The following ORC5 variants were observed in gnomAD, a reference collection of about 807,000 sequenced individuals.
ORC5 encodes origin recognition complex subunit 5.
A neutral mutation model predicts 58.8 loss-of-function variants in ORC5; 39 were observed. That is an observed-to-expected ratio of 0.66 (90% CI 0.51 to 0.87). ORC5 has a LOEUF of 0.87. ORC5 is among the 40% of genes least tolerant of loss of function. ORC5 has a pLI of 0.00. For synonymous variants in ORC5, 218 were observed against 177.6 expected (o/e 1.23, Z -1.81); for missense variants, 493 against 506.3 (o/e 0.97, Z 0.25).
chr7:104,169,421 G>T (rs891671350), intron 8 of ORC5, among the ~76,000 whole-genome samples: 2 of 152,068 alleles, frequency 1.3e-5, no homozygotes, highest in Non-Finnish European at 2.9e-5. Flanking sequence ...ACGACAAATT[G>T]AATTTATAAG....
intron 8 of ORC5, among the ~76,000 whole-genome samples, chr7:104,170,669 T>C (rs960286456): frequency 1.3e-5 from 2 of 152,224 alleles, no homozygotes; most frequent in Non-Finnish European, 2.9e-5. Flanking sequence ...TTTCTGATAA[T>C]TTGTTACAGT....
At position 104,207,979 on chromosome 7, in the gene ORC5, T is replaced by A. The variant is rs1472418729; in HGVS notation, c.-75A>T. The A allele has an allele frequency of 3.6e-6, 5 of 1,404,654 alleles. No homozygotes were observed. The highest frequency in any genetic ancestry group is 1.8e-5 in the Admixed American group (1 of 56,504). The allele number at this position is 1,404,654 out of a possible 1,614,324, so 87.0% of individuals were successfully genotyped here. ...TGCACAAGACGGAGCCTCTCCCGAG[T>A]CTGGCGGCCCACGCTCCCGCCGGAA... On this transcript the variant is annotated 5_prime_UTR_variant, in exon 1 of 14. Coordinates refer to ENST00000297431, the MANE Select transcript of ORC5 (RefSeq NM_002553.4).
intron 8 of ORC5, among the ~76,000 whole-genome samples, chr7:104,176,885 G>T (rs1289476926): frequency 3.3e-5 from 5 of 152,150 alleles, no homozygotes; most frequent in Non-Finnish European, 7.3e-5. Context: ...TTTTAATAAG[G>T]TATAAGGGTT....
At position 104,188,195 on chromosome 7, in the gene ORC5, T is replaced by TACACACACACAC. The variant is rs34643155; in HGVS notation, c.684+44_684+55dup. Reference sequence around the variant, plus strand: ...AAATACATATATACACATATATGTATACACACACACACACACACACACATA... The same window carrying TACACACACACAC: ...AAATACATATATACACATATATGTATACACACACACACACACACACACACACACACACACATA... On this transcript the variant is annotated intron_variant, in intron 6 of 13. Transcript: ENST00000297431. 922 of 1,017,234 alleles carry TACACACACACAC rather than the reference T, an allele frequency of 9.1e-4. 4 individuals are homozygous for TACACACACACAC. In the African/African-American group the frequency reaches 0.014, roughly 15 times the overall value. The allele number at this position is 1,017,234 out of a possible 1,614,324, so 63.0% of individuals were successfully genotyped here. A position where few individuals can be genotyped will look rare whatever the true frequency, so the allele number is the denominator to read the frequency against.
chr7:104,201,048 A>G (rs1799931076), intron 2 of ORC5, 90 bp from the exon 3 acceptor site: 1 of 1,129,454 alleles, frequency 8.9e-7, no homozygotes, highest in East Asian at 2.6e-5. Flanking sequence ...TTGCCTTTCT[A>G]AATCTATATC....
chr7:104,158,445 G>A (rs575363203), intron 12 of ORC5, among the ~76,000 whole-genome samples: 18 of 152,130 alleles, frequency 1.2e-4, no homozygotes, highest in African/African-American at 4.3e-4. Flanking sequence ...AACACCAAAA[G>A]CAATGGTAAC....
rs1234756421 is a variant in ORC5 at position 104,136,596 on chromosome 7, G to A, written c.1262+185C>T. 6.6e-6 allele frequency among the ~76,000 whole-genome samples: 1 copy of A among 152,050 alleles called. No individual in the cohort carries two copies. Among genetic ancestry groups the A allele is most frequent in the East Asian group, 1.9e-4 (1 of 5,190 alleles). On this transcript the variant is annotated intron_variant, in intron 13 of 13. Transcript: ENST00000297431. The surrounding 1 kb of genome is among the most constrained non-coding windows in gnomAD (Gnocchi z 4.2). ...TTGATTTTTGTCCTCTAACATATTA[G>A]CTATTTCTCCCAGTTTTACATCATT... is the stretch of plus-strand genomic sequence containing the variant.
intron 3 of ORC5, among the ~76,000 whole-genome samples, chr7:104,199,055 G>C (rs1001419386): frequency 1.3e-5 from 2 of 152,216 alleles, no homozygotes; most frequent in Non-Finnish European, 2.9e-5. Context: ...GATTTCAGAG[G>C]ATGTACAGAA....
rs1267552331 is a variant in ORC5 at position 104,133,942 on chromosome 7, T to C, written c.1262+2839A>G. On this transcript the variant is annotated intron_variant, in intron 13 of 13. Coordinates refer to ENST00000297431, the MANE Select transcript of ORC5 (RefSeq NM_002553.4). The surrounding 1 kb of genome is among the most constrained non-coding windows in gnomAD (Gnocchi z 4.7). ...AGTGGAGGAGATGGAATTCAGAGCATAGGTAGAAGAATCTACCTTAGGAAG... is the reference window on the plus strand; with the variant it reads ...AGTGGAGGAGATGGAATTCAGAGCACAGGTAGAAGAATCTACCTTAGGAAG... Among the ~76,000 whole-genome samples the C allele has an allele frequency of 6.6e-6, 1 of 152,070 alleles. No individual in the cohort carries two copies. Among genetic ancestry groups the C allele is most frequent in the Non-Finnish European group, 1.5e-5 (1 of 68,020 alleles).
At chr7:104,203,482 TAGC>T (rs1240257167) in intron 2 of ORC5, among the ~76,000 whole-genome samples, 1 of 152,228 alleles carries the variant, frequency 6.6e-6, no homozygotes, top group Non-Finnish European at 1.5e-5. Flanking sequence ...TCATCAATAA[TAGC>T]AGCTAACCTT....
At chr7:104,180,341 TTC>T (rs1362650741) in intron 8 of ORC5, among the ~76,000 whole-genome samples, 7 of 144,114 alleles carry the variant, frequency 4.9e-5, no homozygotes, top group Non-Finnish European at 7.9e-5. Context: ...CAAGATAACT[TTC>T]TGTGTTTTCT....
chr7:104,183,408 A>C (rs1428014261), intron 8 of ORC5, among the ~76,000 whole-genome samples: 1 of 152,162 alleles, frequency 6.6e-6, no homozygotes, highest in African/African-American at 2.4e-5. Flanking sequence ...CTACAGGATG[A>C]CTGATCAGCA....
intron 12 of ORC5, among the ~76,000 whole-genome samples, chr7:104,148,496 A>G (rs1190641001): frequency 3.9e-5 from 6 of 152,226 alleles, no homozygotes; most frequent in Non-Finnish European, 8.8e-5. Context: ...ATGAAATTGT[A>G]GCAATAAGGA....
chr7:104,204,669 A>G (rs1001306948), intron 1 of ORC5, among the ~76,000 whole-genome samples: 4 of 152,194 alleles, frequency 2.6e-5, no homozygotes, highest in Admixed American at 6.5e-5. Flanking sequence ...ACATATAATC[A>G]AAAGATTAAA....
chr7:104,160,088 T>A (rs1053596388), intron 12 of ORC5, among the ~76,000 whole-genome samples: 2 of 152,180 alleles, frequency 1.3e-5, no homozygotes, highest in Non-Finnish European at 2.9e-5. Flanking sequence ...GCCTAGTAAC[T>A]GAGTGAACTG....
chr7:104,126,909 G>C lies in ORC5; in HGVS notation c.1263-16C>G. The C allele has an allele frequency of 6.4e-7, 1 of 1,574,516 alleles. No homozygotes were observed. The highest frequency in any genetic ancestry group is 8.7e-7 in the Non-Finnish European group (1 of 1,145,698). ...GTTCACCGTCCTAAAAACAAAAACA[G>C]ATAATATGTTAGCATTCTCACCCCT... On this transcript the variant is annotated splice_polypyrimidine_tract_variant and intron_variant, in intron 13 of 13. Transcript: ENST00000297431.
At chr7:104,152,249 G>A (rs1283166858) in intron 12 of ORC5, among the ~76,000 whole-genome samples, 1 of 152,144 alleles carries the variant, frequency 6.6e-6, no homozygotes, top group African/African-American at 2.4e-5. Flanking sequence ...CCTGACTCAA[G>A]TGATCCTCCC....
At chr7:104,161,392 G>A (rs1423090736) in intron 11 of ORC5, among the ~76,000 whole-genome samples, 2 of 151,886 alleles carry the variant, frequency 1.3e-5, no homozygotes, top group East Asian at 1.9e-4. Context: ...TAGAGACAAG[G>A]TCCGCTGTCA....
chr7:104,174,048 T>G (rs1180915548), intron 8 of ORC5, among the ~76,000 whole-genome samples: 7 of 151,250 alleles, frequency 4.6e-5, no homozygotes, highest in Admixed American at 2.0e-4. Context: ...GTTTCACCGT[T>G]TTAGCCGGGA....
Sources: allele counts gnomAD v4.1 joint callset (sites outside exome capture counted in the v4.1 genomes callset), GRCh38; gene constraint gnomAD v4.1.1; non-coding constraint Gnocchi (gnomAD v3.1); transcripts MANE v1.5; gene names NCBI Gene and HGNC (gene_info 2026-07-23, HGNC 2026-07-21).